The following TRAM2 variants were observed in gnomAD, a reference collection of about 807,000 sequenced individuals.
TRAM2 encodes translocation associated membrane protein 2, also known as translocating chain-associated membrane protein 2.
TRAM2 carries 12 observed loss-of-function variants against 51.0 expected under a neutral mutation model. That is an observed-to-expected ratio of 0.24 (90% CI 0.15 to 0.38). The LOEUF is 0.38. Among genes scored for constraint, TRAM2 ranks in the 10% least tolerant of loss-of-function variants. The pLI, the probability that TRAM2 is intolerant of heterozygous loss-of-function variation, is 1.00. For synonymous variants in TRAM2, 175 were observed against 179.4 expected (o/e 0.98, Z 0.20); for missense variants, 361 against 462.0 (o/e 0.78, Z 2.00).
intron 1 of TRAM2, among the ~76,000 whole-genome samples, chr6:52,557,215 G>A (rs1414622735): frequency 6.6e-6 from 1 of 151,550 alleles, no homozygotes; most frequent in East Asian, 1.9e-4. Flanking sequence ...TATGTCTGGT[G>A]AGGAACGGAT....
intron 2 of TRAM2, chr6:52,517,016 G>A: frequency 2.6e-6 from 1 of 381,684 alleles, no homozygotes; most frequent in Non-Finnish European, 4.8e-6. Flanking sequence ...GGTTATAACA[G>A]AGCCAGGGTT....
At chr6:52,550,065 C>A (rs1767281247) in intron 1 of TRAM2, among the ~76,000 whole-genome samples, 1 of 152,096 alleles carries the variant, frequency 6.6e-6, no homozygotes, top group South Asian at 2.1e-4. Context: ...ACCCTGTGTC[C>A]CAGAACAGAC....
chr6:52,519,625 C>T (rs947084210), intron 2 of TRAM2, among the ~76,000 whole-genome samples: 3 of 152,180 alleles, frequency 2.0e-5, no homozygotes, highest in African/African-American at 7.2e-5. Flanking sequence ...CCACATATTT[C>T]AGTAATTCCA....
At chr6:52,515,242 G>A (rs912174927) in intron 4 of TRAM2, among the ~76,000 whole-genome samples, 2 of 152,212 alleles carry the variant, frequency 1.3e-5, no homozygotes, top group South Asian at 2.1e-4. Flanking sequence ...TTACAGGAAG[G>A]TAGAGCTCCA....
At chr6:52,540,096 T>C (rs570010110) in intron 1 of TRAM2, among the ~76,000 whole-genome samples, 1 of 152,020 alleles carries the variant, frequency 6.6e-6, no homozygotes, top group East Asian at 1.9e-4. Context: ...CAACTTTCTC[T>C]GTAAACAGCC....
chr6:52,539,456 T>G (rs960984825), intron 1 of TRAM2, among the ~76,000 whole-genome samples: 1 of 152,022 alleles, frequency 6.6e-6, no homozygotes, highest in Non-Finnish European at 1.5e-5. Flanking sequence ...ATCAAACGTA[T>G]CAGGGAAAAC....
chr6:52,531,120 CAAAA>C (rs35821052), intron 2 of TRAM2, among the ~76,000 whole-genome samples: 2 of 96,298 alleles, frequency 2.1e-5, no homozygotes, highest in Admixed American at 1.2e-4. Flanking sequence ...CCTGGTTATG[CAAAA>C]AAAAAAAAAA....
At chr6:52,564,453 C>G (rs559514460) in intron 1 of TRAM2, among the ~76,000 whole-genome samples, 1 of 152,182 alleles carries the variant, frequency 6.6e-6, no homozygotes, top group Non-Finnish European at 1.5e-5. Context: ...TACAGAGACA[C>G]TTGCCATATT....
At chr6:52,571,649 C>G (rs1329611338) in intron 1 of TRAM2, among the ~76,000 whole-genome samples, 1 of 152,208 alleles carries the variant, frequency 6.6e-6, no homozygotes, top group Non-Finnish European at 1.5e-5. Flanking sequence ...CATGGAGCAG[C>G]TGCACCACCA....
intron 1 of TRAM2, among the ~76,000 whole-genome samples, chr6:52,566,945 C>T (rs562401479): frequency 6.6e-6 from 1 of 152,350 alleles, no homozygotes; most frequent in African/African-American, 2.4e-5. Flanking sequence ...AGTGACTGTA[C>T]TTGCCTCCTT....
rs927762268 is a variant in TRAM2 at position 52,502,394 on chromosome 6, G to C, written c.*803C>G. ...CACCATTACCTTTCTGGAGGTGCCTGCTGCGCAGTTTGCTCTGCTCTCGCT... is the reference window on the plus strand; with the variant it reads ...CACCATTACCTTTCTGGAGGTGCCTCCTGCGCAGTTTGCTCTGCTCTCGCT... On this transcript the variant is annotated 3_prime_UTR_variant, in exon 11 of 11. Transcript: ENST00000182527. The C allele has an allele frequency of 6.6e-6, 1 of 152,192 alleles. No individual in the cohort carries two copies. Among genetic ancestry groups the C allele is most frequent in the African/African-American group, 2.4e-5 (1 of 41,430 alleles). The allele number at this position is 152,192 out of a possible 1,614,324, so 9.4% of individuals were successfully genotyped here.
At chr6:52,551,576 T>G (rs1166936042) in intron 1 of TRAM2, among the ~76,000 whole-genome samples, 1 of 152,228 alleles carries the variant, frequency 6.6e-6, no homozygotes, top group Non-Finnish European at 1.5e-5. Context: ...TTCCTACAGC[T>G]GAGTAGCTTG....
At chr6:52,574,830 G>T (rs1767736751) in intron 1 of TRAM2, among the ~76,000 whole-genome samples, 1 of 152,174 alleles carries the variant, frequency 6.6e-6, no homozygotes, top group South Asian at 2.1e-4. Flanking sequence ...AAACTCAAAT[G>T]CTGGCAGCCC....
chr6:52,566,490 T>G (rs1767592714), intron 1 of TRAM2, among the ~76,000 whole-genome samples: 1 of 152,066 alleles, frequency 6.6e-6, no homozygotes, highest in South Asian at 2.1e-4. Flanking sequence ...ATCTCTCATC[T>G]CATCCCCTAA....
At chr6:52,522,717 T>C (rs980696580) in intron 2 of TRAM2, among the ~76,000 whole-genome samples, 1 of 152,248 alleles carries the variant, frequency 6.6e-6, no homozygotes, top group Non-Finnish European at 1.5e-5. Flanking sequence ...AAATGACACT[T>C]ACTTTGCTTA....
chr6:52,552,714 G>A (rs1236099457), intron 1 of TRAM2, among the ~76,000 whole-genome samples: 1 of 152,166 alleles, frequency 6.6e-6, no homozygotes, highest in Non-Finnish European at 1.5e-5. Flanking sequence ...CTATTCCGGC[G>A]ACACTCAGAT....
intron 1 of TRAM2, among the ~76,000 whole-genome samples, chr6:52,553,091 A>C (rs975177788): frequency 6.6e-6 from 1 of 152,106 alleles, no homozygotes; most frequent in African/African-American, 2.4e-5. Flanking sequence ...ATATACACAC[A>C]AACATACACG....
chr6:52,539,012 T>C (rs2268729), intron 1 of TRAM2, among the ~76,000 whole-genome samples: 12,980 of 152,272 alleles, frequency 0.085, 764 homozygotes, highest in Non-Finnish European at 0.12. Flanking sequence ...TTAACATATA[T>C]TGTTGATTCA....
rs35821052 is a variant in TRAM2, at chr6:52,531,120, C to CAAAAAA, written c.184+4657_184+4662dup. On this transcript the variant is annotated intron_variant, in intron 2 of 10. Coordinates refer to ENST00000182527, the MANE Select transcript of TRAM2 (RefSeq NM_012288.4). ...GAAGTCAGAATTTACCCTGGTTATG[C>CAAAAAA]AAAAAAAAAAAAAAAAAAAAGGTAC... Among the ~76,000 whole-genome samples, 883 of 96,230 alleles carry CAAAAAA rather than the reference C, an allele frequency of 9.2e-3. 23 individuals are homozygous for CAAAAAA. Among genetic ancestry groups the CAAAAAA allele is most frequent in the Non-Finnish European group, 0.014 (720 of 51,530 alleles). 63.1% of individuals were successfully genotyped at this position (96,230 alleles called of 152,430 possible). A position where few individuals can be genotyped will look rare whatever the true frequency, so the allele number is the denominator to read the frequency against.
Sources: gnomAD v4.1 joint callset for allele counts (sites outside exome capture counted in the v4.1 genomes callset) on GRCh38, gnomAD v4.1.1 for gene constraint, MANE v1.5 for transcripts, NCBI Gene and HGNC (gene_info 2026-07-23, HGNC 2026-07-21) for gene names.